Variants in GLCCI1 observed in about 807,000 individuals in gnomAD.
The protein encoded by GLCCI1 is glucocorticoid-induced transcript 1 protein.
A neutral mutation model predicts 52.2 loss-of-function variants in GLCCI1; 24 were observed. The ratio of observed to expected loss-of-function variants is 0.46; its 90% CI spans 0.33 to 0.65. The LOEUF is 0.65. Among genes scored for constraint, GLCCI1 ranks in the 30% least tolerant of loss-of-function variants. The pLI is 0.02. For synonymous variants in GLCCI1, 310 were observed against 276.5 expected (o/e 1.12, Z -1.20); for missense variants, 704 against 701.5 (o/e 1.00, Z -0.04).
In GLCCI1 at chr7:8,071,143, A is replaced by C. The variant is rs78744806; in HGVS notation, c.1177+12A>C. 12,081 of 1,608,192 alleles carry C rather than the reference A, an allele frequency of 7.5e-3. 512 individuals are homozygous for C. The African/African-American group carries it at 0.11, about 15-fold the overall frequency. ...TGATCGTGATAAAGGTAAGAATGGA[A>C]TTGTCCACTTAGAGGGTTTGTTATG... On this transcript the variant is annotated intron_variant, in intron 6 of 7. Coordinates refer to ENST00000223145, the MANE Select transcript of GLCCI1 (RefSeq NM_138426.4).
At chr7:8,036,606 A>G (rs1781873447) in intron 3 of GLCCI1, among the ~76,000 whole-genome samples, 1 of 152,226 alleles carries the variant, frequency 6.6e-6, no homozygotes, top group African/African-American at 2.4e-5. Flanking sequence ...TATTGATACT[A>G]AAGTTCAATG....
intron 6 of GLCCI1, among the ~76,000 whole-genome samples, chr7:8,081,662 T>A (rs1233480919): frequency 1.3e-5 from 2 of 152,224 alleles, no homozygotes; most frequent in African/African-American, 4.8e-5. Flanking sequence ...TTAATGAATA[T>A]TGTTTCTATA....
intron 3 of GLCCI1, among the ~76,000 whole-genome samples, chr7:8,044,708 T>G (rs1199574144): frequency 2.0e-5 from 3 of 152,228 alleles, no homozygotes; most frequent in South Asian, 4.1e-4. Flanking sequence ...ACTCTCTCTA[T>G]CAGATAATTT....
At chr7:8,068,959 T>C (rs73053563) in intron 5 of GLCCI1, among the ~76,000 whole-genome samples, 5,562 of 152,318 alleles carry the variant, frequency 0.037, 145 homozygotes, top group Non-Finnish European at 0.057. Context: ...TTAAGCGTAA[T>C]GGCCAGTAGG....
chr7:8,060,353 A>G, intron 5 of GLCCI1, 105 bp downstream of exon 5: 1 of 849,950 alleles, frequency 1.2e-6, no homozygotes. Flanking sequence ...TTCACATACC[A>G]TCCAGTTTAC....
chr7:7,976,698 G>A (rs1780480689), intron 1 of GLCCI1, among the ~76,000 whole-genome samples: 1 of 151,530 alleles, frequency 6.6e-6, no homozygotes, highest in Non-Finnish European at 1.5e-5. Flanking sequence ...GATGGCTTGA[G>A]TTCAGGATTT....
chr7:7,977,401 TTGAC>T (rs1340642480), intron 1 of GLCCI1, among the ~76,000 whole-genome samples: 4 of 152,224 alleles, frequency 2.6e-5, no homozygotes, highest in Non-Finnish European at 5.9e-5. Context: ...CAAAGCATGT[TTGAC>T]TGAACTGGTC....
intron 1 of GLCCI1, among the ~76,000 whole-genome samples, chr7:7,994,986 G>A (rs2115419415): frequency 6.6e-6 from 1 of 152,280 alleles, no homozygotes; most frequent in Admixed American, 6.5e-5. Context: ...ACTGTTACGT[G>A]GACAAATAGG....
rs112790668 is a variant in GLCCI1 at position 8,024,301 on chromosome 7, A to C, written c.696+1732A>C. ...CTTTATAGTATGGATGTAGAGACCT[A>C]CTCAGCTCCTTCTGCCTACCATACA... On this transcript the variant is annotated intron_variant, in intron 3 of 7. Coordinates refer to ENST00000223145, the MANE Select transcript of GLCCI1 (RefSeq NM_138426.4). 2.6e-4 allele frequency among the ~76,000 whole-genome samples: 39 copies of C among 152,310 alleles called. 1 individual carries two copies. Among genetic ancestry groups the C allele is most frequent in the African/African-American group, 5.8e-4 (24 of 41,576 alleles).
chr7:8,034,952 C>G (rs931326130), intron 3 of GLCCI1, among the ~76,000 whole-genome samples: 1 of 152,188 alleles, frequency 6.6e-6, no homozygotes, highest in Non-Finnish European at 1.5e-5. Context: ...GTTGCTTACC[C>G]TCCCTGTGGA....
chr7:7,988,412 G>A lies in GLCCI1; in HGVS notation c.458-15496G>A, dbSNP rs894674270. On this transcript the variant is annotated intron_variant, in intron 1 of 7. Transcript: ENST00000223145. The stretch of plus-strand genomic sequence containing the variant: ...TTAAGAACTTTCGAATAAGTTATGG[G>A]AGTCCTGACCATCCTTTAAGGAAAA... Among the ~76,000 whole-genome samples the A allele has an allele frequency of 4.6e-5, 7 of 152,244 alleles. No individual in the cohort carries two copies. The South Asian group carries it at 1.2e-3, about 27-fold the overall frequency.
At chr7:7,980,828 C>G in intron 1 of GLCCI1, 1 of 684,572 alleles carries the variant, frequency 1.5e-6, no homozygotes, top group South Asian at 1.6e-5. Context: ...CCTTTGTTGA[C>G]AAGGACTTTG....
intron 1 of GLCCI1, among the ~76,000 whole-genome samples, chr7:7,993,170 A>AT (rs1297497051): frequency 2.0e-5 from 3 of 151,536 alleles, no homozygotes; most frequent in Non-Finnish European, 4.4e-5. Context: ...TCTGTTGTTC[A>AT]TTTTTTTTAA....
intron 2 of GLCCI1, among the ~76,000 whole-genome samples, chr7:8,006,007 A>T (rs1190008746): frequency 6.6e-6 from 1 of 152,236 alleles, no homozygotes; most frequent in Admixed American, 6.5e-5. Context: ...CATGTTAGTC[A>T]AGCTGGTCTC....
chr7:8,070,039 CT>C (rs1186332989), intron 5 of GLCCI1: 2 of 152,186 alleles, frequency 1.3e-5, no homozygotes, highest in East Asian at 3.8e-4. Flanking sequence ...GGAGTAAGAT[CT>C]ATTTTTACAG....
At chr7:8,082,595 T>C (rs1033024333) in intron 6 of GLCCI1, among the ~76,000 whole-genome samples, 5 of 152,130 alleles carry the variant, frequency 3.3e-5, no homozygotes, top group African/African-American at 1.2e-4. Flanking sequence ...TAAATACATA[T>C]TCAATTAAAA....
intron 1 of GLCCI1, among the ~76,000 whole-genome samples, chr7:7,999,511 G>A (rs552738168): frequency 5.4e-4 from 82 of 152,294 alleles, no homozygotes; most frequent in African/African-American, 1.9e-3. Context: ...TAGAGCTGAC[G>A]TGGGAGGATA....
At chr7:8,050,074 G>C (rs1055512759) in intron 3 of GLCCI1, among the ~76,000 whole-genome samples, 1 of 152,132 alleles carries the variant, frequency 6.6e-6, no homozygotes, top group African/African-American at 2.4e-5. Context: ...GAATCTGGGG[G>C]TTCGGGGGTG....
chr7:7,982,755 TTTAC>T (rs1780647310), intron 1 of GLCCI1, among the ~76,000 whole-genome samples: 1 of 152,172 alleles, frequency 6.6e-6, no homozygotes, highest in Non-Finnish European at 1.5e-5. Context: ...ATAATGTTTG[TTTAC>T]TTTTGTGACT....
Sources: allele counts gnomAD v4.1 joint callset (sites outside exome capture counted in the v4.1 genomes callset), GRCh38; gene constraint gnomAD v4.1.1; transcripts MANE v1.5; gene names NCBI Gene and HGNC (gene_info 2026-07-23, HGNC 2026-07-21).